FBXW11: variants seen among roughly 807,000 people sequenced by gnomAD.
FBXW11 encodes F-box/WD repeat-containing protein 11.
A neutral mutation model predicts 77.6 loss-of-function variants in FBXW11; 19 were observed. That is an observed-to-expected ratio of 0.24 (90% CI 0.17 to 0.36). The LOEUF (loss-of-function observed/expected upper bound fraction) is 0.36. FBXW11 is among the 10% of genes least tolerant of loss of function. The probability of loss-of-function intolerance (pLI) is 1.00; values close to 1 mark genes in which losing one functional copy is unlikely to be tolerated. For missense variants in FBXW11, 334 were observed against 704.2 expected (o/e 0.47, Z 5.95); for synonymous variants, 235 against 249.4 (o/e 0.94, Z 0.54).
At chr5:171,972,206 G>C (rs111332453) in intron 1 of FBXW11, among the ~76,000 whole-genome samples, 5 of 150,984 alleles carry the variant, frequency 3.3e-5, no homozygotes, top group African/African-American at 1.2e-4. Flanking sequence ...TTCCAGTCTG[G>C]ACAGCTCACA....
intron 2 of FBXW11, among the ~76,000 whole-genome samples, chr5:171,947,733 T>C (rs1401298686): frequency 1.3e-5 from 2 of 151,852 alleles, no homozygotes; most frequent in Admixed American, 6.6e-5. Context: ...CTGGGGAACA[T>C]AGGGAGACGC....
chr5:171,985,299 C>T (rs1357506629), intron 1 of FBXW11, among the ~76,000 whole-genome samples: 1 of 152,136 alleles, frequency 6.6e-6, no homozygotes, highest in Non-Finnish European at 1.5e-5. Flanking sequence ...ACCACATCCA[C>T]CACCCTCATA....
At position 171,911,579 on chromosome 5, in the gene FBXW11, G is replaced by A. The variant is rs1250870818; in HGVS notation, c.211-782C>T. On this transcript the variant is annotated intron_variant, in intron 3 of 13. Coordinates refer to ENST00000517395, the MANE Select transcript of FBXW11 (RefSeq NM_001378974.1). ...CCCAGGGCTACTAATCTGGCAGAAC[G>A]GTTTAGACTTTCCCATCCTTCTTTT... 2.6e-5 allele frequency among the ~76,000 whole-genome samples: 4 copies of A among 152,126 alleles called. No homozygotes were observed. The East Asian group carries it at 7.7e-4, about 29-fold the overall frequency.
chr5:171,976,722 G>C (rs1403670598), intron 1 of FBXW11, among the ~76,000 whole-genome samples: 1 of 152,042 alleles, frequency 6.6e-6, no homozygotes, highest in Non-Finnish European at 1.5e-5. Flanking sequence ...CCTTAACCTT[G>C]GACTTCCCAG....
intron 1 of FBXW11, among the ~76,000 whole-genome samples, chr5:171,996,559 A>G (rs1766063322): frequency 6.6e-6 from 1 of 152,200 alleles, no homozygotes; most frequent in South Asian, 2.1e-4. Flanking sequence ...GCTACCTGAG[A>G]GGCTAAGGCA....
chr5:171,982,263 TTTTA>T lies in FBXW11; in HGVS notation c.45+24191_45+24194del, dbSNP rs1387009584. 4.6e-5 allele frequency among the ~76,000 whole-genome samples: 7 copies of T among 151,998 alleles called. No individual in the cohort carries two copies. The East Asian group carries it at 1.2e-3, about 25-fold the overall frequency. On this transcript the variant is annotated intron_variant, in intron 1 of 13. Transcript: ENST00000517395. The stretch of plus-strand genomic sequence containing the variant: ...TAAATTTTATTTTATTTATTTTTAT[TTTTA>T]TTTATTTATTTATTTTTTTGAGACA...
chr5:171,912,265 GTCGAGGAATGTTTCT>G (rs1385957715), intron 3 of FBXW11, among the ~76,000 whole-genome samples: 3 of 152,178 alleles, frequency 2.0e-5, no homozygotes, highest in Admixed American at 6.5e-5. Context: ...GCGCCCCACT[GTCGAGGAATGTTTCT>G]TCCCTTGTAT....
intron 1 of FBXW11, among the ~76,000 whole-genome samples, chr5:171,998,921 T>G (rs1420476608): frequency 6.6e-6 from 1 of 152,118 alleles, no homozygotes; most frequent in Admixed American, 6.5e-5. Flanking sequence ...ACCCAAGTAA[T>G]TTTTAAATTC....
At chr5:171,879,220 T>C (rs1758341941) in intron 7 of FBXW11, among the ~76,000 whole-genome samples, 1 of 152,240 alleles carries the variant, frequency 6.6e-6, no homozygotes, top group Non-Finnish European at 1.5e-5. Flanking sequence ...GTAGCCTTTT[T>C]AGATTGGCTT....
intron 6 of FBXW11, among the ~76,000 whole-genome samples, chr5:171,891,914 A>G (rs1241993295): frequency 6.6e-6 from 1 of 152,218 alleles, no homozygotes; most frequent in Non-Finnish European, 1.5e-5. Flanking sequence ...AAAACATGCA[A>G]ATAAATAGTA....
chr5:171,865,769 T>C (rs983483936), intron 13 of FBXW11, among the ~76,000 whole-genome samples: 3 of 152,140 alleles, frequency 2.0e-5, no homozygotes, highest in African/African-American at 7.2e-5. Context: ...AACATACAGC[T>C]CTTAGATGTT....
At chr5:171,905,595 C>G (rs540373899) in intron 4 of FBXW11, among the ~76,000 whole-genome samples, 2 of 101,136 alleles carry the variant, frequency 2.0e-5, no homozygotes, top group African/African-American at 5.4e-5. Flanking sequence ...GCTAACCCCC[C>G]CCCCTTTATT....
chr5:171,944,983 C>T (rs1241905720), intron 2 of FBXW11, among the ~76,000 whole-genome samples: 3 of 152,136 alleles, frequency 2.0e-5, no homozygotes, highest in African/African-American at 7.2e-5. Context: ...CTACTACCTG[C>T]TGGGACTGTT....
chr5:171,886,780 G>A (rs1405399735), intron 7 of FBXW11, among the ~76,000 whole-genome samples: 3 of 152,008 alleles, frequency 2.0e-5, no homozygotes, highest in Non-Finnish European at 4.4e-5. Flanking sequence ...TTGGTAGGCC[G>A]AGGCAGGAGG....
At chr5:172,006,380 G>T in intron 1 of FBXW11, 78 bp downstream of exon 1, 2 of 1,318,290 alleles carry the variant, frequency 1.5e-6, no homozygotes, top group Non-Finnish European at 1.0e-6. Context: ...AGCCGGCCTC[G>T]CACCGGACGT....
At chr5:171,997,466 C>A (rs1431679362) in intron 1 of FBXW11, among the ~76,000 whole-genome samples, 3 of 152,206 alleles carry the variant, frequency 2.0e-5, no homozygotes, top group Non-Finnish European at 4.4e-5. Context: ...CGAGAGGGCT[C>A]AAATATCTAC....
chr5:171,923,782 AAT>A (rs1046647138), intron 2 of FBXW11, among the ~76,000 whole-genome samples: 3 of 151,926 alleles, frequency 2.0e-5, no homozygotes, highest in Non-Finnish European at 4.4e-5. Context: ...TCTTATAATC[AAT>A]ATCTTACAAT....
intron 2 of FBXW11, among the ~76,000 whole-genome samples, 192 bp from the exon 3 acceptor site, chr5:171,914,597 T>C (rs1424367228): frequency 6.6e-6 from 1 of 152,090 alleles, no homozygotes; most frequent in Non-Finnish European, 1.5e-5. Flanking sequence ...ATAAAGTTAG[T>C]GGTTAGACAA....
chr5:171,964,768 A>G (rs1414608221), intron 1 of FBXW11, among the ~76,000 whole-genome samples: 1 of 152,218 alleles, frequency 6.6e-6, no homozygotes, highest in Non-Finnish European at 1.5e-5. Flanking sequence ...AAGTTAATTC[A>G]CGGTTTAAGG....
Sources: gnomAD v4.1 joint callset for allele counts (sites outside exome capture counted in the v4.1 genomes callset) on GRCh38, gnomAD v4.1.1 for gene constraint, MANE v1.5 for transcripts, NCBI Gene and HGNC (gene_info 2026-07-23, HGNC 2026-07-21) for gene names.